The following LRMDA variants were observed in gnomAD, a reference collection of about 807,000 sequenced individuals.
LRMDA encodes the protein leucine rich melanocyte differentiation associated, also known as leucine-rich melanocyte differentiation-associated protein.
In LRMDA, 18 loss-of-function variants were observed where a neutral mutation model predicts 29.8. That is an observed-to-expected ratio of 0.60 (90% confidence interval 0.42 to 0.90). LRMDA has a LOEUF of 0.90. LRMDA is among the 40% of genes least tolerant of loss of function. The pLI, the probability that LRMDA is intolerant of heterozygous loss-of-function variation, is 0.00. For missense variants in LRMDA, 273 were observed against 273.9 expected, an observed-to-expected ratio of 1.00 and a Z score of 0.02; for synonymous variants, 125 against 109.4, an observed-to-expected ratio of 1.14 and a Z score of -0.89.
At chr10:75,621,505 C>T (rs1021415127) in intron 2 of LRMDA, among the ~76,000 whole-genome samples, 3 of 152,168 alleles carry the variant, frequency 2.0e-5, no homozygotes, top group African/African-American at 7.2e-5. Flanking sequence ...CATTCTCAGT[C>T]TCCCAGGAAG....
intron 5 of LRMDA, among the ~76,000 whole-genome samples, chr10:76,251,410 G>A (rs1167400725): frequency 2.0e-5 from 3 of 150,758 alleles, no homozygotes; most frequent in South Asian, 2.1e-4. Flanking sequence ...CCGCCACCGC[G>A]CCCGGCTAAT....
intron 2 of LRMDA, among the ~76,000 whole-genome samples, chr10:75,789,961 G>A (rs1420849877): frequency 6.6e-6 from 1 of 151,972 alleles, no homozygotes; most frequent in African/African-American, 2.4e-5. Flanking sequence ...ATGGCAGCAG[G>A]CAACCAAATA....
chr10:76,114,422 C>T (rs2132117105), intron 5 of LRMDA, among the ~76,000 whole-genome samples: 1 of 152,248 alleles, frequency 6.6e-6, no homozygotes, highest in South Asian at 2.1e-4. Context: ...ATAGAACTAC[C>T]CCACCTTCCC....
chr10:75,508,028 T>C (rs1184864584), intron 2 of LRMDA, among the ~76,000 whole-genome samples: 2 of 152,210 alleles, frequency 1.3e-5, no homozygotes, highest in Admixed American at 6.5e-5. Context: ...TAAAAACGTA[T>C]AGGGTTCGTA....
At chr10:76,196,753 C>G (rs1851337838) in intron 5 of LRMDA, among the ~76,000 whole-genome samples, 1 of 152,252 alleles carries the variant, frequency 6.6e-6, no homozygotes. Flanking sequence ...TACATGCATG[C>G]AATTGCATTA....
chr10:76,045,016 T>C (rs763539086), intron 3 of LRMDA, among the ~76,000 whole-genome samples: 3 of 150,824 alleles, frequency 2.0e-5, no homozygotes, highest in Non-Finnish European at 4.4e-5. Flanking sequence ...CTCTTGCTAG[T>C]TTCCCCCTCT....
chr10:76,116,101 G>T (rs1405271721), intron 5 of LRMDA, among the ~76,000 whole-genome samples: 1 of 152,116 alleles, frequency 6.6e-6, no homozygotes, highest in East Asian at 1.9e-4. Flanking sequence ...ATGAATGTGG[G>T]ATGCCCGCAC....
intron 5 of LRMDA, among the ~76,000 whole-genome samples, chr10:76,175,558 G>A (rs1463771435): frequency 2.6e-5 from 4 of 152,176 alleles, no homozygotes; most frequent in Non-Finnish European, 5.9e-5. Flanking sequence ...AGCAAGAAAT[G>A]GTCCTAGCAA....
intron 5 of LRMDA, among the ~76,000 whole-genome samples, chr10:76,220,976 T>A (rs2132257691): frequency 6.6e-6 from 1 of 152,004 alleles, no homozygotes; most frequent in East Asian, 1.9e-4. Context: ...TATATGCAAA[T>A]CAATAAATGT....
chr10:76,178,992 C>G (rs1850992099), intron 5 of LRMDA, among the ~76,000 whole-genome samples: 2 of 152,168 alleles, frequency 1.3e-5, no homozygotes, highest in Non-Finnish European at 2.9e-5. Context: ...TTGTGAGAGA[C>G]CAGACAGAGC....
chr10:76,385,798 A>G (rs1841652499), intron 6 of LRMDA, among the ~76,000 whole-genome samples: 2 of 152,160 alleles, frequency 1.3e-5, no homozygotes, highest in South Asian at 2.1e-4. Flanking sequence ...TAAAATTGCC[A>G]TTTAATGTGT....
chr10:76,147,669 C>A, intron 5 of LRMDA, among the ~76,000 whole-genome samples: 1 of 152,022 alleles, frequency 6.6e-6, no homozygotes, highest in East Asian at 1.9e-4. Context: ...TCGTCTGAAG[C>A]CTTCTTCTCT....
At chr10:76,263,064 A>G (rs891805755) in intron 5 of LRMDA, among the ~76,000 whole-genome samples, 12 of 152,184 alleles carry the variant, frequency 7.9e-5, no homozygotes, top group Non-Finnish European at 1.2e-4. Flanking sequence ...GTTGTTTATA[A>G]TCTCATTTTC....
At chr10:75,852,478 T>C (rs893309537) in intron 2 of LRMDA, among the ~76,000 whole-genome samples, 18 of 152,014 alleles carry the variant, frequency 1.2e-4, no homozygotes, top group African/African-American at 4.3e-4. Context: ...GACCATTACC[T>C]GTCATTTAAA....
chr10:75,858,258 C>G (rs540273874), intron 2 of LRMDA, among the ~76,000 whole-genome samples: 2 of 152,300 alleles, frequency 1.3e-5, no homozygotes, highest in African/African-American at 4.8e-5. Flanking sequence ...GCAGCTCATG[C>G]TAGGCCCGGT....
At chr10:75,855,779 A>G (rs1023080280) in intron 2 of LRMDA, among the ~76,000 whole-genome samples, 5 of 152,312 alleles carry the variant, frequency 3.3e-5, no homozygotes, top group African/African-American at 1.2e-4. Context: ...AGCTTTCTAC[A>G]TATGGCTAGC....
At chr10:76,357,858 T>G (rs1841261530) in intron 6 of LRMDA, among the ~76,000 whole-genome samples, 1 of 152,154 alleles carries the variant, frequency 6.6e-6, no homozygotes, top group Non-Finnish European at 1.5e-5. Context: ...CTCCCTGTAA[T>G]TATTATGCAG....
At position 76,335,048 on chromosome 10, in the gene LRMDA, G is replaced by A. The variant is rs548912410; in HGVS notation, c.601+10563G>A. ...ACTGAGTTGAAAGAACTTTCCCTGC[G>A]TGAGTTCCAAGTGTGAAAGGATTTA... On this transcript the variant is annotated intron_variant, in intron 6 of 6. Transcript: ENST00000611255. Among the ~76,000 whole-genome samples, 258 of 152,312 alleles carry A rather than the reference G, an allele frequency of 1.7e-3. 2 individuals are homozygous for A. Among genetic ancestry groups the A allele is most frequent in the Non-Finnish European group, 2.3e-3 (159 of 68,026 alleles).
At chr10:75,635,347 T>C (rs1472060455) in intron 2 of LRMDA, among the ~76,000 whole-genome samples, 3 of 152,136 alleles carry the variant, frequency 2.0e-5, no homozygotes, top group African/African-American at 4.8e-5. Flanking sequence ...CAAGCAGGAT[T>C]TGGCCTTTCG....
Sources: gnomAD v4.1 joint callset for allele counts (sites outside exome capture counted in the v4.1 genomes callset) on GRCh38, gnomAD v4.1.1 for gene constraint, MANE v1.5 for transcripts, NCBI Gene and HGNC (gene_info 2026-07-23, HGNC 2026-07-21) for gene names.